The following ABI3BP variants were observed in gnomAD, a reference collection of about 807,000 sequenced individuals.
ABI3BP encodes the protein target of Nesh-SH3.
Under a neutral mutation model 268.6 loss-of-function variants are expected in ABI3BP, and 216 were observed. The ratio of observed to expected loss-of-function variants is 0.80; its 90% CI spans 0.72 to 0.90. The LOEUF (loss-of-function observed/expected upper bound fraction) is 0.90, where lower values mean the gene tolerates loss of function less well. Among genes scored for constraint, ABI3BP ranks in the 40% least tolerant of loss-of-function variants. The pLI is 0.00. For synonymous variants in ABI3BP, 730 were observed against 730.0 expected (o/e 1.00, Z 0.00); for missense variants, 2,090 against 2,182.4 (o/e 0.96, Z 0.84).
chr3:100,851,957 A>AAAAG lies in ABI3BP; in HGVS notation c.1286-18_1286-17insCTTT. The AAAAG allele has an allele frequency of 6.7e-7, 1 of 1,502,300 alleles. No homozygotes were observed. The highest frequency in any genetic ancestry group is 9.0e-7 in the Non-Finnish European group (1 of 1,113,728). The allele number at this position is 1,502,300 out of a possible 1,614,324, so 93.1% of individuals were successfully genotyped here. A position where few individuals can be genotyped will look rare whatever the true frequency, so the allele number is the denominator to read the frequency against. On this transcript the variant is annotated splice_polypyrimidine_tract_variant and intron_variant, in intron 14 of 67. Transcript: ENST00000471714. ...CATAAGTTGCTTAAAAAAAAAAAAA[A>AAAAG]GGCAAAACAAGAGAGATGTTAATTT... is the stretch of plus-strand genomic sequence containing the variant.
intron 1 of ABI3BP, among the ~76,000 whole-genome samples, chr3:100,932,150 AT>A (rs1178289750): frequency 2.0e-5 from 3 of 152,104 alleles, no homozygotes; most frequent in African/African-American, 7.2e-5. Context: ...ATGGTTAGCC[AT>A]ATGCAGAAGA....
intron 14 of ABI3BP, among the ~76,000 whole-genome samples, chr3:100,859,920 A>C (rs1049585921): frequency 1.3e-5 from 2 of 152,156 alleles, no homozygotes; most frequent in African/African-American, 4.8e-5. Context: ...TTCAATACAA[A>C]AATTAGCCAG....
Position 100,815,941 on chromosome 3 carries a change from T to G in ABI3BP, c.3260A>C (p.His1087Pro). The part of the protein sequence containing the change: ...VSVTGFEPVV[H>P]STDAPGTTFA... ...TGTTGTTCCTGGAGCATCAGTACTATGAACAACAGGTTCAAAGCCTGTAAC... is the reference window on the plus strand; with the variant it reads ...TGTTGTTCCTGGAGCATCAGTACTAGGAACAACAGGTTCAAAGCCTGTAAC... The change falls in exon 44 of 68, where the codon CAT (histidine) becomes CCT (proline). Residue 1087 changes from histidine (H) to proline (P), a missense_variant. Coordinates refer to ENST00000471714, the MANE Select transcript of ABI3BP (RefSeq NM_001375547.2). The G allele has an allele frequency of 6.5e-7, 1 of 1,528,652 alleles. No individual in the cohort carries two copies. Among genetic ancestry groups the G allele is most frequent in the Non-Finnish European group, 8.7e-7 (1 of 1,144,814 alleles). The allele number at this position is 1,528,652 out of a possible 1,614,324, so 94.7% of individuals were successfully genotyped here.
intron 55 of ABI3BP, among the ~76,000 whole-genome samples, 153 bp downstream of exon 55, chr3:100,792,538 T>A (rs751991155): frequency 3.5e-4 from 53 of 151,804 alleles, no homozygotes; most frequent in Non-Finnish European, 5.9e-4. Flanking sequence ...TTCATATGAG[T>A]ATTCAGATTT....
chr3:100,845,370 A>G (rs1389806837), intron 20 of ABI3BP, among the ~76,000 whole-genome samples: 3 of 152,002 alleles, frequency 2.0e-5, no homozygotes, highest in Non-Finnish European at 2.9e-5. Flanking sequence ...TGTCAACTAT[A>G]CTCCCTTTGC....
chr3:100,970,540 A>G (rs1239616677), intron 1 of ABI3BP, among the ~76,000 whole-genome samples: 2 of 152,170 alleles, frequency 1.3e-5, no homozygotes, highest in Non-Finnish European at 2.9e-5. Flanking sequence ...CAATTCAAGC[A>G]ATTTTTATTA....
intron 2 of ABI3BP, among the ~76,000 whole-genome samples, chr3:100,904,562 T>C (rs2052292369): frequency 6.6e-6 from 1 of 151,662 alleles, no homozygotes; most frequent in East Asian, 1.9e-4. Flanking sequence ...AATAAAAGGG[T>C]AAGGAGGGGG....
intron 51 of ABI3BP, among the ~76,000 whole-genome samples, chr3:100,804,408 C>T (rs1173002059): frequency 1.3e-5 from 2 of 152,140 alleles, no homozygotes; most frequent in African/African-American, 4.8e-5. Flanking sequence ...AATGGCTAAA[C>T]ATCATTGCCT....
chr3:100,865,492 T>C (rs750579166), intron 10 of ABI3BP, among the ~76,000 whole-genome samples: 10 of 152,026 alleles, frequency 6.6e-5, no homozygotes, highest in Non-Finnish European at 8.8e-5. Flanking sequence ...TTAAAGGTAA[T>C]AAAAAGCTCA....
At chr3:100,861,779 G>A (rs1417511599) in intron 14 of ABI3BP, among the ~76,000 whole-genome samples, 1 of 151,976 alleles carries the variant, frequency 6.6e-6, no homozygotes, top group Non-Finnish European at 1.5e-5. Flanking sequence ...CCATCACATG[G>A]TTACTAGGAG....
intron 66 of ABI3BP, among the ~76,000 whole-genome samples, 171 bp from the exon 67 acceptor site, chr3:100,751,845 A>T (rs1482541128): frequency 6.6e-6 from 1 of 152,084 alleles, no homozygotes; most frequent in African/African-American, 2.4e-5. Flanking sequence ...CCTTTCAGGG[A>T]TTAGTGATCT....
intron 1 of ABI3BP, among the ~76,000 whole-genome samples, chr3:100,954,056 G>C (rs1215185188): frequency 6.6e-6 from 1 of 152,098 alleles, no homozygotes; most frequent in Non-Finnish European, 1.5e-5. Flanking sequence ...CAAAGGTCCA[G>C]ATACAGTGAC....
At chr3:100,911,488 GT>G in intron 2 of ABI3BP, 1 of 419,540 alleles carries the variant, frequency 2.4e-6, no homozygotes, top group Non-Finnish European at 4.4e-6. Context: ...CTTGTTCATT[GT>G]TTTTCACTTT....
chr3:100,852,871 G>T (rs917700786), intron 14 of ABI3BP, among the ~76,000 whole-genome samples: 2 of 152,178 alleles, frequency 1.3e-5, no homozygotes, highest in African/African-American at 4.8e-5. Flanking sequence ...AGCAAAAACA[G>T]CATCACAAAG....
intron 1 of ABI3BP, among the ~76,000 whole-genome samples, chr3:100,988,609 T>C (rs1185465422): frequency 6.6e-6 from 1 of 152,124 alleles, no homozygotes; most frequent in East Asian, 1.9e-4. Flanking sequence ...CCCATCCAGA[T>C]TGGATCCTTT....
At chr3:100,847,399 G>C (rs1032126736) in intron 19 of ABI3BP, among the ~76,000 whole-genome samples, 7 of 152,204 alleles carry the variant, frequency 4.6e-5, no homozygotes, top group African/African-American at 1.7e-4. Flanking sequence ...TCTGAAGGCT[G>C]AGTTCAGATC....
Position 100,956,670 on chromosome 3 carries a change from G to C in ABI3BP, c.80-30189C>G, listed in dbSNP as rs142488650. ...ACGAGTACAGCTGGTGATAAATACT[G>C]AGGAGGAAAGTAAAGCAAGGAAACA... On this transcript the variant is annotated intron_variant, in intron 1 of 67. Transcript: ENST00000471714. Among the ~76,000 whole-genome samples, 649 of 152,308 alleles carry C rather than the reference G, an allele frequency of 4.3e-3. 3 individuals carry two copies. Among genetic ancestry groups the C allele is most frequent in the African/African-American group, 0.015 (603 of 41,552 alleles).
At chr3:100,933,893 C>A (rs977027736) in intron 1 of ABI3BP, among the ~76,000 whole-genome samples, 2 of 151,806 alleles carry the variant, frequency 1.3e-5, no homozygotes, top group African/African-American at 4.8e-5. Context: ...TTCAACTCTG[C>A]CATCATAGCA....
At chr3:100,954,414 A>G (rs191582493) in intron 1 of ABI3BP, among the ~76,000 whole-genome samples, 1 of 152,264 alleles carries the variant, frequency 6.6e-6, no homozygotes, top group Non-Finnish European at 1.5e-5. Context: ...CAGTCACGAA[A>G]TCCCTTCTAA....
Sources: allele counts gnomAD v4.1 joint callset (sites outside exome capture counted in the v4.1 genomes callset), GRCh38; gene constraint gnomAD v4.1.1; transcripts MANE v1.5; gene names NCBI Gene and HGNC (gene_info 2026-07-23, HGNC 2026-07-21).